RBFOX3: variants seen among roughly 807,000 people sequenced by gnomAD.
The protein encoded by RBFOX3 is RNA binding fox-1 homolog 3.
A neutral mutation model predicts 48.7 loss-of-function variants in RBFOX3; 17 were observed. That is an observed-to-expected ratio of 0.35 (90% CI 0.24 to 0.52). The LOEUF (loss-of-function observed/expected upper bound fraction) is 0.52. RBFOX3 is among the 20% of genes least tolerant of loss of function. RBFOX3 has a pLI of 0.94. For missense variants in RBFOX3, 382 were observed against 497.5 expected, an observed-to-expected ratio of 0.77 and a Z score of 2.21; for synonymous variants, 212 against 209.5, an observed-to-expected ratio of 1.01 and a Z score of -0.10.
At chr17:79,228,166 T>G (rs2060549222) in intron 4 of RBFOX3, among the ~76,000 whole-genome samples, 1 of 152,160 alleles carries the variant, frequency 6.6e-6, no homozygotes, top group Non-Finnish European at 1.5e-5. Flanking sequence ...TAAGTGGGAT[T>G]GTGTCAAGAC....
chr17:79,236,328 G>A (rs982702348), intron 3 of RBFOX3, among the ~76,000 whole-genome samples: 4 of 152,012 alleles, frequency 2.6e-5, no homozygotes, highest in African/African-American at 4.8e-5. Context: ...ATGGAGTCTC[G>A]CTCTGTCTGG....
intron 4 of RBFOX3, among the ~76,000 whole-genome samples, chr17:79,164,598 C>T (rs957059286): frequency 2.0e-5 from 3 of 152,212 alleles, no homozygotes; most frequent in Non-Finnish European, 2.9e-5. Context: ...GGAGGCCCAG[C>T]GTCAGGTGCG....
At chr17:79,277,182 T>C (rs893279986) in intron 3 of RBFOX3, among the ~76,000 whole-genome samples, 19 of 151,782 alleles carry the variant, frequency 1.3e-4, no homozygotes, top group Non-Finnish European at 2.4e-4. Flanking sequence ...GCCCCCAGGC[T>C]GCCACTGGGT....
intron 3 of RBFOX3, among the ~76,000 whole-genome samples, chr17:79,258,440 G>T (rs2065224577): frequency 6.6e-6 from 1 of 152,230 alleles, no homozygotes; most frequent in Non-Finnish European, 1.5e-5. Context: ...CCACAGTCAA[G>T]GTTGCTGCTG....
chr17:79,278,976 C>T (rs1005316779), intron 3 of RBFOX3, among the ~76,000 whole-genome samples: 1 of 152,180 alleles, frequency 6.6e-6, no homozygotes, highest in Non-Finnish European at 1.5e-5. Flanking sequence ...TCTCCACATG[C>T]TCCTCTCACA....
At chr17:79,296,844 C>T (rs2074438895) in intron 3 of RBFOX3, among the ~76,000 whole-genome samples, 1 of 125,162 alleles carries the variant, frequency 8.0e-6, no homozygotes, top group Non-Finnish European at 1.7e-5. Context: ...CCCCCCTCCT[C>T]CCCCTCCTCC....
chr17:79,449,766 T>C lies in RBFOX3; in HGVS notation c.-175+32688A>G, dbSNP rs1354061320. Among the ~76,000 whole-genome samples the C allele has an allele frequency of 2.0e-5, 3 of 152,064 alleles. 1 individual carries two copies. The highest frequency in any genetic ancestry group is 7.2e-5 in the African/African-American group (3 of 41,396). ...GGGGCGCACATACATGGATGCAACCTCTTCACTTCTGCACTAAGAAAGGAG... is the reference window on the plus strand; with the variant it reads ...GGGGCGCACATACATGGATGCAACCCCTTCACTTCTGCACTAAGAAAGGAG... On this transcript the variant is annotated intron_variant, in intron 2 of 14. Coordinates refer to ENST00000693108, the MANE Select transcript of RBFOX3 (RefSeq NM_001350451.2).
chr17:79,303,683 G>A (rs1022420563), intron 3 of RBFOX3, among the ~76,000 whole-genome samples: 1 of 151,850 alleles, frequency 6.6e-6, no homozygotes, highest in Non-Finnish European at 1.5e-5. Flanking sequence ...GGTTGCTAGG[G>A]GCAGACCATC....
At chr17:79,302,611 T>C (rs775132431) in intron 3 of RBFOX3, among the ~76,000 whole-genome samples, 1 of 151,998 alleles carries the variant, frequency 6.6e-6, no homozygotes, top group Non-Finnish European at 1.5e-5. Flanking sequence ...AACCTGGGAT[T>C]GCGCCATTGC....
chr17:79,476,269 G>A (rs1162805097), intron 2 of RBFOX3, among the ~76,000 whole-genome samples: 1 of 152,208 alleles, frequency 6.6e-6, no homozygotes, highest in African/African-American at 2.4e-5. Flanking sequence ...GCGGTGTCCT[G>A]GGGAACTCGC....
intron 2 of RBFOX3, among the ~76,000 whole-genome samples, chr17:79,475,061 A>G (rs1296716731): frequency 6.6e-6 from 1 of 152,188 alleles, no homozygotes; most frequent in Non-Finnish European, 1.5e-5. Context: ...CAAAACTTGC[A>G]GCACGAACTG....
At chr17:79,637,600 C>T in the RBFOX3 span, among the ~76,000 whole-genome samples, 1 of 151,562 alleles carries the variant, frequency 6.6e-6, no homozygotes, top group Non-Finnish European at 1.5e-5. Context: ...GAGGATGAGG[C>T]AGGAGAATCA....
chr17:79,097,218 G>A (rs2075488100), intron 11 of RBFOX3, 74 bp downstream of exon 11: 2 of 1,250,576 alleles, frequency 1.6e-6, no homozygotes, highest in Non-Finnish European at 2.2e-6. Context: ...CTCGCACTGC[G>A]CAGGGCCTCC....
intron 3 of RBFOX3, among the ~76,000 whole-genome samples, chr17:79,250,879 A>G (rs1434391974): frequency 7.1e-6 from 1 of 140,258 alleles, no homozygotes; most frequent in African/African-American, 2.7e-5. Flanking sequence ...ACAGTGGCTC[A>G]CTGCAACCTC....
intron 3 of RBFOX3, among the ~76,000 whole-genome samples, 159 bp downstream of exon 3, chr17:79,307,565 G>A (rs7220724): frequency 0.3 from 45,088 of 152,152 alleles, 7,507 homozygotes; most frequent in African/African-American, 0.47. Context: ...GGAACCCCAT[G>A]GTGGGGACCC....
At chr17:79,260,638 G>A (rs2065605924) in intron 3 of RBFOX3, among the ~76,000 whole-genome samples, 1 of 152,202 alleles carries the variant, frequency 6.6e-6, no homozygotes, top group African/African-American at 2.4e-5. Context: ...CCAGAGAGGT[G>A]TGGCCACACT....
intron 2 of RBFOX3, among the ~76,000 whole-genome samples, chr17:79,436,076 C>A (rs2069386127): frequency 6.6e-6 from 1 of 152,196 alleles, no homozygotes; most frequent in African/African-American, 2.4e-5. Flanking sequence ...CTTCCCCAGG[C>A]CCATGTGTGG....
chr17:79,621,059 CACA>C, the RBFOX3 span, among the ~76,000 whole-genome samples: 1 of 149,682 alleles, frequency 6.7e-6, no homozygotes, highest in Non-Finnish European at 1.5e-5. Context: ...AGTGCAGTGG[CACA>C]ATCTCAGCTC....
At chr17:79,590,302 G>A (rs2093380918) in intron 1 of RBFOX3, among the ~76,000 whole-genome samples, 1 of 152,164 alleles carries the variant, frequency 6.6e-6, no homozygotes, top group South Asian at 2.1e-4. Context: ...TAAAAGGGAG[G>A]GGGCTAGATG....
Sources: allele counts gnomAD v4.1 joint callset (sites outside exome capture counted in the v4.1 genomes callset), GRCh38; gene constraint gnomAD v4.1.1; transcripts MANE v1.5; gene names NCBI Gene and HGNC (gene_info 2026-07-23, HGNC 2026-07-21).